Variants in KALRN observed in about 807,000 individuals in gnomAD.
The protein encoded by KALRN is kalirin.
A neutral mutation model predicts 353.7 loss-of-function variants in KALRN; 70 were observed. The observed-to-expected ratio is 0.20, with a 90% CI of 0.16 to 0.24. KALRN has a LOEUF of 0.24. Among genes scored for constraint, KALRN ranks in the 10% least tolerant of loss-of-function variants. The probability of loss-of-function intolerance (pLI) is 1.00; values close to 1 mark genes in which losing one functional copy is unlikely to be tolerated. For synonymous variants in KALRN, 1,391 were observed against 1,434.8 expected (o/e 0.97, Z 0.69); for missense variants, 2,791 against 3,756.7 (o/e 0.74, Z 6.72).
intron 17 of KALRN, among the ~76,000 whole-genome samples, chr3:124,437,494 A>G (rs892569886): frequency 5.9e-5 from 9 of 152,178 alleles, no homozygotes; most frequent in African/African-American, 1.9e-4. Flanking sequence ...GTTCAAAACC[A>G]GCCTGACAAA....
intron 1 of KALRN, among the ~76,000 whole-genome samples, chr3:124,202,630 C>T (rs1251406251): frequency 1.3e-5 from 2 of 152,092 alleles, no homozygotes; most frequent in Non-Finnish European, 2.9e-5. Flanking sequence ...GGTCTCTTTT[C>T]CTTCACCTTC....
intron 13 of KALRN, among the ~76,000 whole-genome samples, chr3:124,401,018 T>A (rs931828611): frequency 2.0e-5 from 3 of 152,210 alleles, no homozygotes; most frequent in African/African-American, 7.2e-5. Flanking sequence ...CACTTTGACA[T>A]CGACTACACC....
At chr3:124,295,083 A>G (rs1190621313) in intron 5 of KALRN, among the ~76,000 whole-genome samples, 1 of 152,224 alleles carries the variant, frequency 6.6e-6, no homozygotes, top group Non-Finnish European at 1.5e-5. Context: ...CACTGAATGT[A>G]ACAGAGATGA....
intron 6 of KALRN, among the ~76,000 whole-genome samples, chr3:124,320,202 C>T (rs2079187477): frequency 6.6e-6 from 1 of 152,148 alleles, no homozygotes; most frequent in South Asian, 2.1e-4. Context: ...CCTCCCTTGA[C>T]TTTTTGATTT....
At chr3:124,349,574 G>A (rs1308434072) in intron 10 of KALRN, among the ~76,000 whole-genome samples, 2 of 152,180 alleles carry the variant, frequency 1.3e-5, no homozygotes, top group Non-Finnish European at 2.9e-5. Flanking sequence ...TGATAACAGA[G>A]TTTCAGTTTT....
chr3:124,176,001 C>T (rs949196765), intron 1 of KALRN, among the ~76,000 whole-genome samples: 8 of 152,054 alleles, frequency 5.3e-5, no homozygotes, highest in African/African-American at 1.9e-4. Flanking sequence ...GGGGCTCTTT[C>T]ATCTTAGGTT....
At chr3:124,186,905 G>T (rs2074297213) in intron 1 of KALRN, among the ~76,000 whole-genome samples, 1 of 152,160 alleles carries the variant, frequency 6.6e-6, no homozygotes, top group Non-Finnish European at 1.5e-5. Context: ...TTGTTTGCCA[G>T]TTGGGAGGAG....
chr3:124,379,556 C>T (rs1343154466), intron 10 of KALRN, among the ~76,000 whole-genome samples: 2 of 152,170 alleles, frequency 1.3e-5, no homozygotes, highest in Admixed American at 6.6e-5. Flanking sequence ...TTAAAATGTA[C>T]TAGGCAGGAC....
intron 33 of KALRN, among the ~76,000 whole-genome samples, chr3:124,554,254 G>T (rs1561278551): frequency 6.6e-6 from 1 of 152,232 alleles, no homozygotes; most frequent in African/African-American, 2.4e-5. Context: ...TACTTGGGAG[G>T]CAGAGGCAGG....
At chr3:124,221,797 GT>G (rs979843102) in intron 1 of KALRN, among the ~76,000 whole-genome samples, 3 of 152,182 alleles carry the variant, frequency 2.0e-5, no homozygotes, top group Admixed American at 1.3e-4. Context: ...GTCTTCACTG[GT>G]TTTTTATCCA....
At chr3:124,579,638 A>G (rs1240607103) in intron 34 of KALRN, among the ~76,000 whole-genome samples, 2 of 152,162 alleles carry the variant, frequency 1.3e-5, no homozygotes, top group African/African-American at 4.8e-5. Context: ...TTCAAATGAT[A>G]TCATGGGAAA....
chr3:124,618,167 G>A (rs998460286), intron 34 of KALRN, among the ~76,000 whole-genome samples: 2 of 130,242 alleles, frequency 1.5e-5, no homozygotes, highest in African/African-American at 3.0e-5. Context: ...GGAGTGCAGC[G>A]GCACGATCTC....
At chr3:124,097,962 CT>C (rs1372340303) in intron 1 of KALRN, among the ~76,000 whole-genome samples, 4 of 152,130 alleles carry the variant, frequency 2.6e-5, no homozygotes, top group Non-Finnish European at 5.9e-5. Flanking sequence ...TGGGGACTGT[CT>C]ATCAAAAGAA....
chr3:124,420,979 A>G (rs902030021), intron 14 of KALRN, among the ~76,000 whole-genome samples: 15 of 152,210 alleles, frequency 9.9e-5, no homozygotes, highest in Non-Finnish European at 1.9e-4. Flanking sequence ...TCCCCATGGA[A>G]GTATACTACC....
intron 6 of KALRN, among the ~76,000 whole-genome samples, chr3:124,316,867 T>A (rs1054674434): frequency 6.6e-6 from 1 of 152,214 alleles, no homozygotes; most frequent in African/African-American, 2.4e-5. Flanking sequence ...AATAAACATA[T>A]AGGATGACAT....
intron 34 of KALRN, among the ~76,000 whole-genome samples, chr3:124,565,038 T>G (rs907765803): frequency 3.9e-5 from 6 of 152,308 alleles, no homozygotes; most frequent in African/African-American, 1.4e-4. Context: ...TCCTGATGGT[T>G]AACTGTGAAC....
At chr3:124,372,275 C>T (rs1047940609) in intron 10 of KALRN, among the ~76,000 whole-genome samples, 2 of 152,000 alleles carry the variant, frequency 1.3e-5, no homozygotes, top group African/African-American at 4.8e-5. Context: ...TACATATTCA[C>T]CATGGAATAA....
At chr3:124,048,002 A>G (rs573005883) in intron 1 of KALRN, among the ~76,000 whole-genome samples, 5 of 152,230 alleles carry the variant, frequency 3.3e-5, no homozygotes, top group Middle Eastern at 3.4e-3. Context: ...CCCTTGATCC[A>G]TGGTTTGTTT....
chr3:124,657,227 G>A (rs920060698), intron 39 of KALRN, among the ~76,000 whole-genome samples: 2 of 152,134 alleles, frequency 1.3e-5, no homozygotes, highest in East Asian at 3.9e-4. Flanking sequence ...CTTTCTTAAG[G>A]GGACTGGAGA....
Sources: allele counts gnomAD v4.1 joint callset (sites outside exome capture counted in the v4.1 genomes callset), GRCh38; gene constraint gnomAD v4.1.1; transcripts MANE v1.5; gene names NCBI Gene and HGNC (gene_info 2026-07-23, HGNC 2026-07-21).